Variants in GMDS observed in about 807,000 individuals in gnomAD.
GMDS encodes the protein GDP-mannose 4,6 dehydratase.
GMDS carries 20 observed loss-of-function variants against 49.9 expected under a neutral mutation model. The ratio of observed to expected loss-of-function variants is 0.40; its 90% CI spans 0.28 to 0.58. GMDS has a LOEUF of 0.58. Ranked by LOEUF, GMDS falls within the 20% of genes least tolerant of loss-of-function variation. The pLI is 0.42. For synonymous variants in GMDS, 177 were observed against 178.6 expected, an observed-to-expected ratio of 0.99 and a Z score of 0.07; for missense variants, 362 against 481.4, an observed-to-expected ratio of 0.75 and a Z score of 2.32.
At chr6:2,079,764 A>G (rs888579937) in intron 4 of GMDS, among the ~76,000 whole-genome samples, 1 of 152,156 alleles carries the variant, frequency 6.6e-6, no homozygotes, top group Non-Finnish European at 1.5e-5. Context: ...GTTTGACTAT[A>G]ATGTGCCAAG....
chr6:1,636,616 G>A (rs1763156773), intron 9 of GMDS, among the ~76,000 whole-genome samples: 1 of 152,230 alleles, frequency 6.6e-6, no homozygotes, highest in Admixed American at 6.5e-5. Context: ...CCCCATGGAG[G>A]AACGGGCTCC....
At chr6:2,238,910 A>C (rs1781489910) in intron 1 of GMDS, among the ~76,000 whole-genome samples, 2 of 152,242 alleles carry the variant, frequency 1.3e-5, no homozygotes, top group African/African-American at 4.8e-5. Context: ...AAAGATGGAC[A>C]GCTCCAAGTT....
At chr6:1,806,958 A>G (rs1035772618) in intron 7 of GMDS, among the ~76,000 whole-genome samples, 2 of 152,186 alleles carry the variant, frequency 1.3e-5, no homozygotes, top group Non-Finnish European at 1.5e-5. Flanking sequence ...TATAATATGC[A>G]TATTTGTCTT....
chr6:1,915,130 G>A (rs3778553), intron 7 of GMDS, among the ~76,000 whole-genome samples: 1 of 152,048 alleles, frequency 6.6e-6, no homozygotes, highest in Admixed American at 6.5e-5. Flanking sequence ...CACAGAACCA[G>A]TGGTTTTGCT....
At chr6:1,649,218 CT>C (rs1763578774) in intron 9 of GMDS, among the ~76,000 whole-genome samples, 1 of 152,128 alleles carries the variant, frequency 6.6e-6, no homozygotes, top group Non-Finnish European at 1.5e-5. Flanking sequence ...AGGAAGTAAG[CT>C]TGGGTACTAG....
intron 7 of GMDS, among the ~76,000 whole-genome samples, chr6:1,909,833 A>G (rs1278510563): frequency 6.6e-6 from 1 of 152,256 alleles, no homozygotes; most frequent in East Asian, 1.9e-4. Context: ...TCACAGAAGC[A>G]TCCAGATTTT....
chr6:2,069,270 G>A (rs1482476665), intron 4 of GMDS, among the ~76,000 whole-genome samples: 2 of 152,156 alleles, frequency 1.3e-5, no homozygotes, highest in Non-Finnish European at 2.9e-5. Flanking sequence ...ATCAATTCAA[G>A]ATGGATTAAA....
At chr6:1,994,441 A>G (rs1766149872) in intron 4 of GMDS, among the ~76,000 whole-genome samples, 2 of 152,142 alleles carry the variant, frequency 1.3e-5, no homozygotes, top group Non-Finnish European at 2.9e-5. Flanking sequence ...TAATTTTCAC[A>G]AAGCATCAAG....
intron 1 of GMDS, among the ~76,000 whole-genome samples, chr6:2,137,889 TCA>T (rs1776090346): frequency 6.6e-6 from 1 of 152,326 alleles, no homozygotes; most frequent in Admixed American, 6.5e-5. Flanking sequence ...CTAGTATGTG[TCA>T]CACTTTTTGC....
At chr6:2,075,941 T>C (rs1772311310) in intron 4 of GMDS, among the ~76,000 whole-genome samples, 1 of 152,290 alleles carries the variant, frequency 6.6e-6, no homozygotes. Flanking sequence ...TTTTTAATGA[T>C]TGCCATTCTA....
chr6:2,023,908 G>A (rs1768424235), intron 4 of GMDS, among the ~76,000 whole-genome samples: 1 of 152,146 alleles, frequency 6.6e-6, no homozygotes. Flanking sequence ...GATAATATGT[G>A]AGTGAAGCAA....
intron 4 of GMDS, among the ~76,000 whole-genome samples, chr6:2,047,374 T>G (rs1394707455): frequency 6.6e-6 from 1 of 152,224 alleles, no homozygotes; most frequent in Non-Finnish European, 1.5e-5. Context: ...GTGTGACTAC[T>G]GGGGTCACTG....
chr6:1,963,651 T>G (rs879622583), intron 4 of GMDS, among the ~76,000 whole-genome samples: 4 of 152,152 alleles, frequency 2.6e-5, no homozygotes, highest in Non-Finnish European at 5.9e-5. Context: ...TTTTCCCTGT[T>G]GAATGGTTTT....
intron 8 of GMDS, among the ~76,000 whole-genome samples, chr6:1,735,123 G>A (rs80143951): frequency 6.6e-6 from 1 of 152,132 alleles, no homozygotes; most frequent in African/African-American, 2.4e-5. Context: ...TTCCTGAGGG[G>A]CCACAGTGAG....
chr6:1,918,278 T>A (rs996364672), intron 7 of GMDS, among the ~76,000 whole-genome samples: 18 of 152,110 alleles, frequency 1.2e-4, no homozygotes, highest in African/African-American at 4.1e-4. Flanking sequence ...AGAGTGATGA[T>A]CACACAAAAA....
chr6:1,825,000 T>A (rs7752683), intron 7 of GMDS, among the ~76,000 whole-genome samples: 2 of 152,100 alleles, frequency 1.3e-5, no homozygotes, highest in Admixed American at 6.5e-5. Flanking sequence ...TTACTAAATA[T>A]GTGGTTATTT....
chr6:1,908,364 G>A lies in GMDS; in HGVS notation c.771+21739C>T, dbSNP rs146585426. Among the ~76,000 whole-genome samples, 139 of 152,276 alleles carry A rather than the reference G, an allele frequency of 9.1e-4. 2 individuals are homozygous for A. The East Asian group carries it at 0.021, about 23-fold the overall frequency. ...AAACTGCGGATAGGAGGGGGCTACC[G>A]TACCATTCTTTGTAGGTTCCTTTTC... On this transcript the variant is annotated intron_variant, in intron 7 of 10. Coordinates refer to ENST00000380815, the MANE Select transcript of GMDS (RefSeq NM_001500.4).
intron 9 of GMDS, among the ~76,000 whole-genome samples, chr6:1,629,622 G>A (rs1403657990): frequency 6.6e-6 from 1 of 152,214 alleles, no homozygotes; most frequent in African/African-American, 2.4e-5. Flanking sequence ...CAGCGACGGT[G>A]TAGACTTGGA....
At chr6:2,071,941 G>A (rs1772030937) in intron 4 of GMDS, among the ~76,000 whole-genome samples, 1 of 152,116 alleles carries the variant, frequency 6.6e-6, no homozygotes, top group African/African-American at 2.4e-5. Context: ...TTTGATTAAA[G>A]CAACGAAGGG....
Sources: allele counts gnomAD v4.1 joint callset (sites outside exome capture counted in the v4.1 genomes callset), GRCh38; gene constraint gnomAD v4.1.1; transcripts MANE v1.5; gene names NCBI Gene and HGNC (gene_info 2026-07-23, HGNC 2026-07-21).